ASPM: variants seen among roughly 807,000 people sequenced by gnomAD.
The protein encoded by ASPM is abnormal spindle-like microcephaly-associated protein.
ASPM carries 256 observed loss-of-function variants against 366.4 expected under a neutral mutation model. The ratio of observed to expected loss-of-function variants is 0.70; its 90% confidence interval spans 0.63 to 0.77. ASPM has a LOEUF of 0.77. Ranked by LOEUF, ASPM falls within the 30% of genes least tolerant of loss-of-function variation. The pLI is 0.00. For synonymous variants in ASPM, 1,414 were observed against 1,342.9 expected, an observed-to-expected ratio of 1.05 and a Z score of -1.16; for missense variants, 4,146 against 4,090.4, an observed-to-expected ratio of 1.01 and a Z score of -0.37.
Position 197,130,024 on chromosome 1 carries a change from A to G in ASPM, c.2520T>C (p.Asp840=), listed in dbSNP as rs1350664667. 6.2e-7 allele frequency: 1 copy of G among 1,613,954 alleles called. No individual in the cohort carries two copies. Among genetic ancestry groups the G allele is most frequent in the Non-Finnish European group, 8.5e-7 (1 of 1,179,902 alleles). The change falls in exon 8 of 28, where the codon GAT becomes GAC. Residue 840 remains aspartate (D), a synonymous_variant. Coordinates refer to ENST00000367409, the MANE Select transcript of ASPM (RefSeq NM_018136.5). ...TAGCCAACCCTGTGACATCACTGTT[A>G]TCTTCCAAAGATATGAGTTCTCCAT... ...TTYGELISLE[D]NSDVTGLAMF...
intron 17 of ASPM, among the ~76,000 whole-genome samples, chr1:197,107,361 A>G (rs928183399): frequency 3.3e-5 from 5 of 152,236 alleles, no homozygotes; most frequent in African/African-American, 9.6e-5. Flanking sequence ...TCAAAAAGGA[A>G]CTGTCACTGA....
Position 197,133,508 on chromosome 1 carries a change from C to G in ASPM, c.2261G>C (p.Arg754Thr), listed in dbSNP as rs1482990737. 1 of 1,614,100 alleles carries G rather than the reference C, an allele frequency of 6.2e-7. No homozygotes were observed. The highest frequency in any genetic ancestry group is 1.7e-5 in the Admixed American group (1 of 60,022). Residue 754 changes from arginine to threonine, a missense_variant, in exon 6 of 28, where the codon AGA becomes ACA. Arg to Thr is a moderately conservative substitution (Grantham distance 71). Transcript: ENST00000367409. ...RAPTKEEMSLRAYTARCRLNR... is the reference protein window; with the variant it reads ...RAPTKEEMSLTAYTARCRLNR... ...TAACCTACACCGAGCAGTATAAGCTCTGAGAGACATTTCCTCTTTTGTAGG... is the reference window on the plus strand; with the variant it reads ...TAACCTACACCGAGCAGTATAAGCTGTGAGAGACATTTCCTCTTTTGTAGG...
rs558907138 is a variant in ASPM at position 197,104,704 on chromosome 1, G to A, written c.4547C>T (p.Thr1516Ile). The A allele has an allele frequency of 3.7e-6, 6 of 1,612,764 alleles. No individual in the cohort carries two copies. In the South Asian group the frequency reaches 6.6e-5, roughly 18 times the overall value. The change falls in exon 18 of 28, where the codon ACC (threonine) becomes ATC (isoleucine). Residue 1516 changes from threonine to isoleucine, a missense_variant. By Grantham distance (89) the Thr-to-Ile change is moderately conservative (BLOSUM62 -1). This residue lies in a region of ASPM where 3,624 missense variants were observed against 3,591.7 expected (regional missense o/e 1.01). Transcript: ENST00000367409. Reference sequence around the variant, plus strand: ...ATATGCTTTGTAGTACTTCTGGATGGTTAGTATGGACTCTTTTCTTCTTTT... The same window carrying A: ...ATATGCTTTGTAGTACTTCTGGATGATTAGTATGGACTCTTTTCTTCTTTT... ...LYKRRKESIL[T>I]IQKYYKAYLK... is the part of the protein sequence containing the mutation.
chr1:197,109,065 C>CAAAACAT (rs940815901), intron 17 of ASPM, among the ~76,000 whole-genome samples: 3 of 147,966 alleles, frequency 2.0e-5, no homozygotes, highest in African/African-American at 7.5e-5. Context: ...GTATATGTAT[C>CAAAACAT]AAAACATCAC....
At chr1:197,114,641 A>G (rs992385926) in intron 17 of ASPM, among the ~76,000 whole-genome samples, 1 of 152,204 alleles carries the variant, frequency 6.6e-6, no homozygotes, top group Non-Finnish European at 1.5e-5. Flanking sequence ...TGGTGCAATA[A>G]TGGCTCACTG....
chr1:197,094,642 T>C (rs1033093695), intron 19 of ASPM, among the ~76,000 whole-genome samples: 3 of 151,728 alleles, frequency 2.0e-5, no homozygotes, highest in African/African-American at 7.3e-5. Context: ...GAAAAATAGA[T>C]ATCATCAAAA....
At chr1:197,126,618 T>TA (rs1658100554) in intron 10 of ASPM, among the ~76,000 whole-genome samples, 1 of 152,014 alleles carries the variant, frequency 6.6e-6, no homozygotes, top group South Asian at 2.1e-4. Flanking sequence ...ATTAACCAAC[T>TA]AAAAAAATGT....
intron 22 of ASPM, 54 bp downstream of exon 22, chr1:197,091,853 A>C: frequency 8.9e-6 from 14 of 1,575,790 alleles, no homozygotes; most frequent in Non-Finnish European, 1.2e-5. Flanking sequence ...ACATATCAAA[A>C]ATTTCTAACA....
chr1:197,103,005 A>C lies in ASPM; in HGVS notation c.6246T>G (p.Ile2082Met). ...GATACTCCTTATGCTGATGGTTTGT[A>C]ATTTTAATACCTCGATACCATCTCT... ...IIQRWYRGIK[I>M]TNHQHKEYLN... Residue 2082 changes from isoleucine to methionine, a missense_variant, in exon 18 of 28, where the codon ATT (isoleucine) becomes ATG (methionine). By Grantham distance (10) the Ile-to-Met change is conservative. Around this residue, in one of 3 missense-constraint regions of ASPM, gnomAD observed 3,624 missense variants for 3,591.7 expected, o/e 1.01. Coordinates refer to ENST00000367409, the MANE Select transcript of ASPM (RefSeq NM_018136.5). The C allele has an allele frequency of 6.2e-7, 1 of 1,612,370 alleles. No homozygotes were observed. The highest frequency in any genetic ancestry group is 8.5e-7 in the Non-Finnish European group (1 of 1,179,102).
At position 197,102,531 on chromosome 1, in the gene ASPM, C is replaced by T. The variant is rs566331576; in HGVS notation, c.6720G>A (p.Arg2240=). The T allele has an allele frequency of 1.2e-6, 2 of 1,612,508 alleles. No individual in the cohort carries two copies. The highest frequency in any genetic ancestry group is 2.2e-5 in the East Asian group (1 of 44,804). Residue 2240 remains arginine, a synonymous_variant, in exon 18 of 28, where the codon AGG becomes AGA. Transcript: ENST00000367409. The part of the protein sequence containing the change: ...NIQFQRYNKL[R]HSVIYIQAIF... ...TAGCCTGAATGTATATTACAGAATG[C>T]CTCAGTTTGTTATACCTTTGAAATT...
At chr1:197,123,294 T>TA (rs1423107510) in intron 13 of ASPM, among the ~76,000 whole-genome samples, 2 of 152,108 alleles carry the variant, frequency 1.3e-5, no homozygotes, top group Non-Finnish European at 2.9e-5. Flanking sequence ...TTGTTTACAG[T>TA]ATAAGAGCTG....
At chr1:197,126,450 A>G (rs1297321954) in intron 10 of ASPM, among the ~76,000 whole-genome samples, 1 of 145,738 alleles carries the variant, frequency 6.9e-6, no homozygotes, top group Non-Finnish European at 1.5e-5. Context: ...AAAAAAAAAA[A>G]AAAAAAAAAA....
chr1:197,125,099 TCA>T lies in ASPM; in HGVS notation c.3027_3028del (p.Asp1010HisfsTer7). 1 of 1,614,090 alleles carries T rather than the reference TCA, an allele frequency of 6.2e-7. No individual in the cohort carries two copies. The highest frequency in any genetic ancestry group is 8.5e-7 in the Non-Finnish European group (1 of 1,179,972). On this transcript the variant is annotated frameshift_variant, in exon 11 of 28. Transcript: ENST00000367409. LOFTEE classifies it high-confidence loss of function. Reference sequence around the variant, plus strand: ...TGATTTAAGAACTTGAAGAACAATGTCAACATTGTGCATCTTTTGAAGACGAC... The same window carrying T: ...TGATTTAAGAACTTGAAGAACAATGTACATTGTGCATCTTTTGAAGACGAC...
rs1419860454 is a variant in ASPM, at chr1:197,135,278, T to C, written c.2027-36A>G. 3 of 1,603,572 alleles carry C rather than the reference T, an allele frequency of 1.9e-6. No homozygotes were observed. The African/African-American group carries it at 4.0e-5, about 21-fold the overall frequency. On this transcript the variant is annotated intron_variant, in intron 4 of 27. Coordinates refer to ENST00000367409, the MANE Select transcript of ASPM (RefSeq NM_018136.5). ...AATTAGGTTACTGCATAACAAAATT[T>C]CCTTTAACTTATTGTACAATATACA...
chr1:197,144,274 A>C (rs1658698908), intron 1 of ASPM, among the ~76,000 whole-genome samples, 174 bp from the exon 2 acceptor site: 1 of 152,106 alleles, frequency 6.6e-6, no homozygotes, highest in Non-Finnish European at 1.5e-5. Flanking sequence ...AATTATAAGA[A>C]AAAAAGTCAC....
Position 197,103,883 on chromosome 1 carries a change from C to T in ASPM, c.5368G>A (p.Ala1790Thr), listed in dbSNP as rs754999927. Residue 1790 changes from alanine to threonine, a missense_variant, in exon 18 of 28, where the codon GCA (alanine) becomes ACA (threonine). By Grantham distance (58) the Ala-to-Thr change is moderately conservative. Coordinates refer to ENST00000367409, the MANE Select transcript of ASPM (RefSeq NM_018136.5). ...AAGTTCTTCCTCTGATTGACCTGTG[C>T]TTTGTATGCATGATAGTAATTCTGA... ...VIQNYYHAYK[A>T]QVNQRKNFLQ... The T allele has an allele frequency of 6.2e-6, 10 of 1,612,698 alleles. No homozygotes were observed. In the Admixed American group the frequency reaches 8.4e-5, roughly 13 times the overall value.
In ASPM at chr1:197,104,309, C is replaced by T; in HGVS notation, c.4942G>A (p.Ala1648Thr). The stretch of plus-strand genomic sequence containing the variant: ...AGGATGTGAATATACATTTTCCTGG[C>T]TTGCATCCCTCTATATGCAGACTGC... ...VLQSAYRGMQ[A>T]RKMYIHILTS... Residue 1648 changes from alanine (A) to threonine (T), a missense_variant, in exon 18 of 28, where the codon GCC (alanine) becomes ACC (threonine). By Grantham distance (58) the Ala-to-Thr change is moderately conservative. Around this residue, in one of 3 missense-constraint regions of ASPM, gnomAD observed 3,624 missense variants for 3,591.7 expected, o/e 1.01. Transcript: ENST00000367409. The T allele has an allele frequency of 1.2e-6, 2 of 1,613,048 alleles. No individual in the cohort carries two copies.
At position 197,142,198 on chromosome 1, in the gene ASPM, C is replaced by T. The variant is rs1658606175; in HGVS notation, c.1921+133G>A. The T allele has an allele frequency of 8.2e-6, 8 of 971,136 alleles. No individual in the cohort carries two copies. The South Asian group carries it at 9.3e-5, about 11-fold the overall frequency. 60.2% of individuals were successfully genotyped at this position (971,136 alleles called of 1,614,324 possible). ...CAAGATGTCACATAAGCTGTATTCA[C>T]ATTTGCTAAGGAAATGTACCCAGCA... is the stretch of plus-strand genomic sequence containing the variant. On this transcript the variant is annotated intron_variant, in intron 3 of 27. Transcript: ENST00000367409.
At position 197,101,280 on chromosome 1, in the gene ASPM, T is replaced by A. The variant is rs777431703; in HGVS notation, c.7971A>T (p.Arg2657Ser). Residue 2657 changes from arginine (R) to serine (S), a missense_variant, in exon 18 of 28, where the codon AGA becomes AGT. Around this residue, in one of 3 missense-constraint regions of ASPM, gnomAD observed 3,624 missense variants for 3,591.7 expected, o/e 1.01. Coordinates refer to ENST00000367409, the MANE Select transcript of ASPM (RefSeq NM_018136.5). ...TACGCACTGCAGTTAGTTTTCTGTA[T>A]CTTCTTTGAATAGAAACTACTGTTG... ...LRATVVSIQR[R>S]YRKLTAVRTQ... 3.7e-6 allele frequency: 6 copies of A among 1,611,906 alleles called. No homozygotes were observed. Among genetic ancestry groups the A allele is most frequent in the South Asian group, 1.1e-5 (1 of 91,042 alleles).
Sources: allele counts gnomAD v4.1 joint callset (sites outside exome capture counted in the v4.1 genomes callset), GRCh38; gene constraint gnomAD v4.1.1; regional missense constraint gnomAD v4.1.1; transcripts MANE v1.5; gene names NCBI Gene and HGNC (gene_info 2026-07-23, HGNC 2026-07-21).